The following LIMS1 variants were observed in gnomAD, a reference collection of about 807,000 sequenced individuals.
LIMS1 encodes the protein LIM zinc finger domain containing 1, also known as LIM and senescent cell antigen-like-containing domain protein 1.
In LIMS1, 18 loss-of-function variants were observed where a neutral mutation model predicts 44.1. That is an observed-to-expected ratio of 0.41 (90% confidence interval 0.28 to 0.61). The LOEUF (loss-of-function observed/expected upper bound fraction) is 0.61, where lower values mean the gene tolerates loss of function less well. Ranked by LOEUF, LIMS1 falls within the 20% of genes least tolerant of loss-of-function variation. The pLI, the probability that LIMS1 is intolerant of heterozygous loss-of-function variation, is 0.32. For synonymous variants in LIMS1, 93 were observed against 149.1 expected, an observed-to-expected ratio of 0.62 and a Z score of 2.74; for missense variants, 201 against 422.0, an observed-to-expected ratio of 0.48 and a Z score of 4.59.
At chr2:108,669,448 G>A (rs893481649) in intron 2 of LIMS1, among the ~76,000 whole-genome samples, 1 of 152,036 alleles carries the variant, frequency 6.6e-6, no homozygotes, top group African/African-American at 2.4e-5. Flanking sequence ...ATCTGCTTTG[G>A]TTGGTTCAAC....
At chr2:108,660,230 A>G (rs1691258857) in intron 2 of LIMS1, 2 of 472,738 alleles carry the variant, frequency 4.2e-6, no homozygotes, top group Admixed American at 4.7e-5. Context: ...TCGAGCCAGG[A>G]GCGTCCATGC....
intron 1 of LIMS1, among the ~76,000 whole-genome samples, chr2:108,654,270 G>C (rs1479088924): frequency 2.0e-5 from 3 of 152,066 alleles, no homozygotes; most frequent in African/African-American, 7.2e-5. Flanking sequence ...GCCAAAGTAT[G>C]TAACAGTTTC....
chr2:108,619,178 A>T (rs1688097715), intron 1 of LIMS1, among the ~76,000 whole-genome samples: 1 of 152,152 alleles, frequency 6.6e-6, no homozygotes, highest in Non-Finnish European at 1.5e-5. Flanking sequence ...AAGCTGCATT[A>T]ATTTTTAAAA....
intron 1 of LIMS1, among the ~76,000 whole-genome samples, chr2:108,609,086 G>T (rs1687441712): frequency 6.6e-6 from 1 of 152,190 alleles, no homozygotes; most frequent in Non-Finnish European, 1.5e-5. Context: ...CATAGGTGGG[G>T]TTATCTCCCA....
At chr2:108,624,163 A>T (rs1688426976) in intron 1 of LIMS1, among the ~76,000 whole-genome samples, 1 of 152,226 alleles carries the variant, frequency 6.6e-6, no homozygotes, top group African/African-American at 2.4e-5. Context: ...GAAGCCCCAG[A>T]CCTTCACAAG....
intron 1 of LIMS1, among the ~76,000 whole-genome samples, chr2:108,648,049 T>C (rs1690195390): frequency 6.6e-6 from 1 of 152,222 alleles, no homozygotes; most frequent in South Asian, 2.1e-4. Flanking sequence ...ATGACATGAT[T>C]GTATGTTTAG....
intron 1 of LIMS1, among the ~76,000 whole-genome samples, chr2:108,589,227 G>T (rs772260761): frequency 1.3e-5 from 2 of 150,620 alleles, no homozygotes; most frequent in Non-Finnish European, 3.0e-5. Context: ...ATTTTTAATT[G>T]GCACATTTAT....
chr2:108,631,543 G>A (rs937147298), intron 1 of LIMS1, among the ~76,000 whole-genome samples: 16 of 135,326 alleles, frequency 1.2e-4, no homozygotes, highest in East Asian at 6.3e-4. Context: ...CTAATCTACC[G>A]TGTTGCCTTT....
At chr2:108,589,341 A>G (rs1208073823) in intron 1 of LIMS1, among the ~76,000 whole-genome samples, 1 of 152,216 alleles carries the variant, frequency 6.6e-6, no homozygotes, top group Non-Finnish European at 1.5e-5. Flanking sequence ...TTTCGTGGTA[A>G]CAACACTTAA....
chr2:108,566,108 A>G (rs1020909747), intron 1 of LIMS1, among the ~76,000 whole-genome samples: 58 of 152,192 alleles, frequency 3.8e-4, no homozygotes, highest in African/African-American at 1.3e-3. Flanking sequence ...GTGAAGTAAA[A>G]TGAAGCAGGC....
In LIMS1 at chr2:108,624,807, G is replaced by A. The variant is rs549988787; in HGVS notation, c.33-34798G>A. Reference sequence around the variant, plus strand: ...ATATAGGGGCTGGTAGGCCGGGTGCGGTGGCTCACGCCTATAATCCCAGCA... The same window carrying A: ...ATATAGGGGCTGGTAGGCCGGGTGCAGTGGCTCACGCCTATAATCCCAGCA... On this transcript the variant is annotated intron_variant, in intron 1 of 9. Transcript: ENST00000544547. 3.5e-3 allele frequency among the ~76,000 whole-genome samples: 499 copies of A among 141,784 alleles called. 2 individuals carry two copies. The highest frequency in any genetic ancestry group is 0.012 in the African/African-American group (458 of 38,158). The allele number at this position is 141,784 out of a possible 152,430, so 93.0% of individuals were successfully genotyped here. A position where few individuals can be genotyped will look rare whatever the true frequency, so the allele number is the denominator to read the frequency against.
At chr2:108,663,586 G>C (rs1691522271) in intron 2 of LIMS1, among the ~76,000 whole-genome samples, 1 of 152,190 alleles carries the variant, frequency 6.6e-6, no homozygotes, top group African/African-American at 2.4e-5. Context: ...CCAAGGACTA[G>C]GGACCTGGTG....
At chr2:108,639,446 G>A (rs924310091) in intron 1 of LIMS1, among the ~76,000 whole-genome samples, 3 of 152,122 alleles carry the variant, frequency 2.0e-5, no homozygotes, top group Non-Finnish European at 4.4e-5. Flanking sequence ...TCATATATGT[G>A]TACATGTTTT....
At chr2:108,539,269 G>T (rs879659574) in intron 1 of LIMS1, among the ~76,000 whole-genome samples, 51 of 152,272 alleles carry the variant, frequency 3.3e-4, no homozygotes, top group Admixed American at 1.4e-3. Context: ...ATTTTTTGTA[G>T]TGACAGGGTT....
chr2:108,543,937 G>A (rs1209072819), intron 1 of LIMS1, among the ~76,000 whole-genome samples: 2 of 152,182 alleles, frequency 1.3e-5, no homozygotes. Context: ...CAGCTACTCA[G>A]GAGGCTGAGG....
chr2:108,605,821 C>A (rs553446781), intron 1 of LIMS1, among the ~76,000 whole-genome samples: 7 of 152,372 alleles, frequency 4.6e-5, no homozygotes, highest in Non-Finnish European at 1.0e-4. Flanking sequence ...GAGAGTGAAA[C>A]TTCAAACTTG....
chr2:108,597,490 T>C (rs1686769340), intron 1 of LIMS1, among the ~76,000 whole-genome samples: 1 of 152,036 alleles, frequency 6.6e-6, no homozygotes, highest in Non-Finnish European at 1.5e-5. Context: ...CACTAGAGGG[T>C]GATGTTTTCT....
At chr2:108,567,388 A>G (rs1184680071) in intron 1 of LIMS1, among the ~76,000 whole-genome samples, 6 of 152,178 alleles carry the variant, frequency 3.9e-5, no homozygotes, top group African/African-American at 1.4e-4. Context: ...GGCTCCAGCC[A>G]CCTGCAACCC....
At chr2:108,672,165 CAAA>C (rs559219796) in intron 3 of LIMS1, among the ~76,000 whole-genome samples, 157 bp from the exon 4 acceptor site, 14 of 56,806 alleles carry the variant, frequency 2.5e-4, no homozygotes, top group African/African-American at 4.5e-4. Context: ...GAAACTGTCT[CAAA>C]AAAAAAAAAA....
Sources: allele counts gnomAD v4.1 joint callset (sites outside exome capture counted in the v4.1 genomes callset), GRCh38; gene constraint gnomAD v4.1.1; transcripts MANE v1.5; gene names NCBI Gene and HGNC (gene_info 2026-07-23, HGNC 2026-07-21).